Variants in TMEM131L observed in about 807,000 individuals in gnomAD.
TMEM131L encodes the protein transmembrane 131 like, also known as transmembrane protein 131-like.
Under a neutral mutation model 192.2 loss-of-function variants are expected in TMEM131L, and 54 were observed. The observed-to-expected ratio is 0.28, with a 90% CI of 0.23 to 0.35. TMEM131L has a LOEUF of 0.35. TMEM131L is among the 10% of genes least tolerant of loss of function. The probability of loss-of-function intolerance (pLI) is 1.00; values close to 1 mark genes in which losing one functional copy is unlikely to be tolerated. For missense variants in TMEM131L, 1,888 were observed against 1,972.9 expected, an observed-to-expected ratio of 0.96 and a Z score of 0.82; for synonymous variants, 701 against 704.9, an observed-to-expected ratio of 0.99 and a Z score of 0.09.
In TMEM131L at chr4:153,622,964, G is replaced by T; in HGVS notation, c.3926G>T (p.Cys1309Phe). The T allele has an allele frequency of 6.2e-7, 1 of 1,614,250 alleles. No homozygotes were observed. The highest frequency in any genetic ancestry group is 8.5e-7 in the Non-Finnish European group (1 of 1,180,044). ...DKFCSDSSSD[C>F]GSSSGSVRAS... The stretch of plus-strand genomic sequence containing the variant: ...TTCTGCTCCGATTCCAGCTCTGACT[G>T]TGGGAGCTCCTCTGGCAGCGTGCGT... The change falls in exon 29 of 35, where the codon TGT becomes TTT. Residue 1309 changes from cysteine to phenylalanine, a missense_variant. By Grantham distance (205) the Cys-to-Phe change is radical (BLOSUM62 -2). Coordinates refer to ENST00000409959, the MANE Select transcript of TMEM131L (RefSeq NM_001131007.2).
intron 20 of TMEM131L, among the ~76,000 whole-genome samples, chr4:153,598,023 T>C (rs1561228109): frequency 1.3e-5 from 2 of 152,032 alleles, no homozygotes; most frequent in South Asian, 2.1e-4. Flanking sequence ...CTAGTCTGAA[T>C]TACTATTTGA....
intron 2 of TMEM131L, among the ~76,000 whole-genome samples, chr4:153,472,830 C>T (rs1731254456): frequency 6.6e-6 from 1 of 152,184 alleles, no homozygotes. Flanking sequence ...GCTTTTGTCC[C>T]TGCCCTTTGT....
chr4:153,624,719 C>T (rs1733707322), intron 29 of TMEM131L, among the ~76,000 whole-genome samples: 1 of 152,174 alleles, frequency 6.6e-6, no homozygotes, highest in African/African-American at 2.4e-5. Flanking sequence ...GAACCCCGGG[C>T]TTCTTCCCCC....
At chr4:153,586,161 ATAATTAGTG>A in intron 13 of TMEM131L, 39 bp from the exon 14 acceptor site, 1 of 1,315,712 alleles carries the variant, frequency 7.6e-7, no homozygotes, top group South Asian at 1.6e-5. Context: ...GATTTTAATC[ATAATTAGTG>A]TTAGGAAAAG....
At chr4:153,607,709 A>G (rs555251083) in intron 25 of TMEM131L, among the ~76,000 whole-genome samples, 1 of 152,308 alleles carries the variant, frequency 6.6e-6, no homozygotes, top group African/African-American at 2.4e-5. Flanking sequence ...GCCTTCTCCT[A>G]TTCTGAGGCT....
intron 7 of TMEM131L, among the ~76,000 whole-genome samples, chr4:153,567,607 C>T (rs186883461): frequency 5.0e-4 from 75 of 151,346 alleles, no homozygotes; most frequent in Non-Finnish European, 6.3e-4. Context: ...TGCAATGGCA[C>T]GATCTCGGCT....
At chr4:153,540,433 C>T (rs556578716) in intron 3 of TMEM131L, among the ~76,000 whole-genome samples, 11 of 152,278 alleles carry the variant, frequency 7.2e-5, no homozygotes, top group South Asian at 2.1e-4. Context: ...ACCTATTCCA[C>T]GCCAGGTGAT....
At position 153,593,863 on chromosome 4, in the gene TMEM131L, C is replaced by T. The variant is rs1489590199; in HGVS notation, c.1987C>T (p.Pro663Ser). The change falls in exon 19 of 35, where the codon CCT becomes TCT. Residue 663 changes from proline (P) to serine (S), a missense_variant. Pro to Ser is a moderately conservative substitution (Grantham distance 74). Transcript: ENST00000409959. ...TGEFQLTEACPYLGTHSEESR... is the reference protein window; with the variant it reads ...TGEFQLTEACSYLGTHSEESR... Reference sequence around the variant, plus strand: ...TGAATTCCAGCTCACCGAAGCTTGCCCTTACCTGGTAGGATGTTATCCTAA... The same window carrying T: ...TGAATTCCAGCTCACCGAAGCTTGCTCTTACCTGGTAGGATGTTATCCTAA... 4 of 1,610,334 alleles carry T rather than the reference C, an allele frequency of 2.5e-6. No homozygotes were observed. In the African/African-American group the frequency reaches 4.0e-5, roughly 16 times the overall value.
intron 7 of TMEM131L, among the ~76,000 whole-genome samples, chr4:153,570,857 G>A (rs1729540741): frequency 6.6e-6 from 1 of 152,168 alleles, no homozygotes; most frequent in African/African-American, 2.4e-5. Context: ...CCTGAGGTGA[G>A]CAGTTGTTGA....
At chr4:153,486,687 C>T (rs1423176247) in intron 3 of TMEM131L, among the ~76,000 whole-genome samples, 3 of 152,200 alleles carry the variant, frequency 2.0e-5, no homozygotes, top group African/African-American at 7.2e-5. Flanking sequence ...TAAAAGAACC[C>T]CTGGCTACTT....
chr4:153,489,594 C>T (rs1400714811), intron 3 of TMEM131L, among the ~76,000 whole-genome samples: 5 of 152,120 alleles, frequency 3.3e-5, no homozygotes, highest in Admixed American at 6.6e-5. Context: ...TCTCCTGCCT[C>T]GGCCCCCTGA....
At chr4:153,542,184 A>G (rs1736838038) in intron 3 of TMEM131L, among the ~76,000 whole-genome samples, 2 of 152,230 alleles carry the variant, frequency 1.3e-5, no homozygotes, top group Admixed American at 6.5e-5. Context: ...AGAAAAGAGT[A>G]GAGGAAGAGC....
At chr4:153,515,101 C>T (rs923107971) in intron 3 of TMEM131L, among the ~76,000 whole-genome samples, 25 of 152,320 alleles carry the variant, frequency 1.6e-4, no homozygotes, top group South Asian at 1.4e-3. Context: ...CATTAGCCAC[C>T]GTGCTCAGCC....
At chr4:153,517,387 T>C (rs1275464468) in intron 3 of TMEM131L, among the ~76,000 whole-genome samples, 1 of 152,220 alleles carries the variant, frequency 6.6e-6, no homozygotes, top group African/African-American at 2.4e-5. Flanking sequence ...ACGGGTCCTT[T>C]ACAAGGCCCT....
chr4:153,583,135 C>T (rs1730475064), intron 9 of TMEM131L, 55 bp from the exon 10 acceptor site: 1 of 851,472 alleles, frequency 1.2e-6, no homozygotes, highest in Non-Finnish European at 2.0e-6. Context: ...TGAGATGGCT[C>T]TGTTTTAATC....
chr4:153,575,410 A>G (rs1268246443), intron 7 of TMEM131L, among the ~76,000 whole-genome samples: 2 of 152,198 alleles, frequency 1.3e-5, no homozygotes, highest in African/African-American at 4.8e-5. Context: ...TGGTTTTCTA[A>G]TATATATCCC....
chr4:153,581,498 CACA>C lies in TMEM131L; in HGVS notation c.834_836del (p.Gln278del), dbSNP rs1291728741. On this transcript the variant is annotated inframe_deletion, in exon 9 of 35. Coordinates refer to ENST00000409959, the MANE Select transcript of TMEM131L (RefSeq NM_001131007.2). ...TTTTCAAAAGAATTTGAAGAAAACA[CACA>C]ACATTTGTTAGATCATCTCTCTATT... 1.9e-6 allele frequency: 3 copies of C among 1,604,428 alleles called. No individual in the cohort carries two copies. Among genetic ancestry groups the C allele is most frequent in the Non-Finnish European group, 2.6e-6 (3 of 1,174,374 alleles).
chr4:153,581,478 A>G lies in TMEM131L; in HGVS notation c.810A>G (p.Ser270=). The G allele has an allele frequency of 6.2e-7, 1 of 1,601,580 alleles. No individual in the cohort carries two copies. The highest frequency in any genetic ancestry group is 2.3e-5 in the East Asian group (1 of 44,290). ...TAATGGTAACAATGGAAAACTTTTCAAAAGAATTTGAAGAAAACACACAAC... is the reference window on the plus strand; with the variant it reads ...TAATGGTAACAATGGAAAACTTTTCGAAAGAATTTGAAGAAAACACACAAC... ...MSIMVTMENF[S]KEFEENTQHL... The change falls in exon 9 of 35, where the codon TCA becomes TCG. Residue 270 remains serine (S), a synonymous_variant. Transcript: ENST00000409959.
rs987812252 is a variant in TMEM131L, at chr4:153,493,665, G to GA, written c.239+19785dup. On this transcript the variant is annotated intron_variant, in intron 3 of 34. Coordinates refer to ENST00000409959, the MANE Select transcript of TMEM131L (RefSeq NM_001131007.2). ...ATAGCACTAGACTGTCTCAAAAAAA[G>GA]AAAAAAAACGCTTGGAGCCAGACCG... Among the ~76,000 whole-genome samples, 23 of 151,586 alleles carry GA rather than the reference G, an allele frequency of 1.5e-4. No individual in the cohort carries two copies. The South Asian group carries it at 3.1e-3, about 21-fold the overall frequency.
Sources: gnomAD v4.1 joint callset for allele counts (sites outside exome capture counted in the v4.1 genomes callset) on GRCh38, gnomAD v4.1.1 for gene constraint, MANE v1.5 for transcripts, NCBI Gene and HGNC (gene_info 2026-07-23, HGNC 2026-07-21) for gene names.